The following BNC2 variants were observed in gnomAD, a reference collection of about 807,000 sequenced individuals.
BNC2 encodes zinc finger protein basonuclin-2.
Under a neutral mutation model 76.3 loss-of-function variants are expected in BNC2, and 20 were observed. The ratio of observed to expected loss-of-function variants is 0.26; its 90% CI spans 0.18 to 0.38. The LOEUF (loss-of-function observed/expected upper bound fraction) is 0.38. Among genes scored for constraint, BNC2 ranks in the 10% least tolerant of loss-of-function variants. The pLI is 1.00. For synonymous variants in BNC2, 582 were observed against 514.8 expected, an observed-to-expected ratio of 1.13 and a Z score of -1.77; for missense variants, 1,382 against 1,399.8, an observed-to-expected ratio of 0.99 and a Z score of 0.20.
At chr9:16,739,232 T>C (rs1014368242) in intron 1 of BNC2, among the ~76,000 whole-genome samples, 1 of 152,168 alleles carries the variant, frequency 6.6e-6, no homozygotes, top group Non-Finnish European at 1.5e-5. Flanking sequence ...ATTTAGCCTG[T>C]TATCTACCAA....
At chr9:16,511,242 T>C (rs1822747343) in intron 5 of BNC2, among the ~76,000 whole-genome samples, 1 of 150,396 alleles carries the variant, frequency 6.6e-6, no homozygotes. Context: ...CCTGAGTAGG[T>C]GAGACTACAG....
chr9:16,573,717 G>C (rs1284369009), intron 4 of BNC2, among the ~76,000 whole-genome samples: 1 of 152,046 alleles, frequency 6.6e-6, no homozygotes, highest in African/African-American at 2.4e-5. Context: ...CTCACTACTG[G>C]GCCTTTTAAC....
At chr9:16,804,490 T>A (rs1817856847) in intron 1 of BNC2, among the ~76,000 whole-genome samples, 1 of 152,240 alleles carries the variant, frequency 6.6e-6, no homozygotes, top group Non-Finnish European at 1.5e-5. Context: ...CAAGCACATA[T>A]GCTGGACATG....
At position 16,565,481 on chromosome 9, in the gene BNC2, CT is replaced by C. The variant is rs540553697; in HGVS notation, c.434-12717del. Among the ~76,000 whole-genome samples, 18 of 152,210 alleles carry C rather than the reference CT, an allele frequency of 1.2e-4. No individual in the cohort carries two copies. In the South Asian group the frequency reaches 3.7e-3, roughly 32 times the overall value. On this transcript the variant is annotated intron_variant, in intron 4 of 6. Transcript: ENST00000380672. ...ACAAAACAGCTATGATTTGGGCCCA[CT>C]TGAAGTTAATACACTAGTGAAGAAA...
At chr9:16,547,752 G>A (rs1452368730) in intron 5 of BNC2, among the ~76,000 whole-genome samples, 1 of 152,160 alleles carries the variant, frequency 6.6e-6, no homozygotes, top group Non-Finnish European at 1.5e-5. Context: ...TCATGTGGGA[G>A]AAGAACTGAG....
chr9:16,459,729 T>C (rs1035501025), intron 5 of BNC2, among the ~76,000 whole-genome samples: 3 of 152,202 alleles, frequency 2.0e-5, no homozygotes, highest in Non-Finnish European at 4.4e-5. Context: ...AGAACAAAGA[T>C]GTCCCAATTA....
intron 3 of BNC2, among the ~76,000 whole-genome samples, chr9:16,659,465 G>A (rs1337774609): frequency 6.6e-6 from 1 of 152,002 alleles, no homozygotes; most frequent in Non-Finnish European, 1.5e-5. Context: ...AAAATTAGCT[G>A]TGTGTGGTGG....
chr9:16,759,207 C>T (rs186213795), intron 1 of BNC2, among the ~76,000 whole-genome samples: 241 of 152,256 alleles, frequency 1.6e-3, no homozygotes, highest in African/African-American at 5.4e-3. Context: ...TACAAAAAAT[C>T]GAGGCAATTG....
Position 16,621,806 on chromosome 9 carries a change from AAAAAG to A in BNC2, c.331-38726_331-38722del, listed in dbSNP as rs563875390. Among the ~76,000 whole-genome samples the A allele has an allele frequency of 1.8e-3, 270 of 152,322 alleles. 1 individual carries two copies. The highest frequency in any genetic ancestry group is 5.8e-3 in the African/African-American group (242 of 41,574). On this transcript the variant is annotated intron_variant, in intron 3 of 6. Coordinates refer to ENST00000380672, the MANE Select transcript of BNC2 (RefSeq NM_017637.6). Reference sequence around the variant, plus strand: ...ACTGAATTTTGAAGGCTCAGAATGAAAAAAGAAAAGAAAATGTCTCGATAAACACT... The same window carrying A: ...ACTGAATTTTGAAGGCTCAGAATGAAAAAAGAAAATGTCTCGATAAACACT...
At chr9:16,863,425 T>C (rs1014335982) in intron 1 of BNC2, among the ~76,000 whole-genome samples, 5 of 152,174 alleles carry the variant, frequency 3.3e-5, no homozygotes, top group African/African-American at 9.7e-5. Context: ...TGGCTCACTG[T>C]GGGATCACAC....
At chr9:16,672,155 A>G (rs1822496312) in intron 3 of BNC2, among the ~76,000 whole-genome samples, 1 of 152,220 alleles carries the variant, frequency 6.6e-6, no homozygotes, top group South Asian at 2.1e-4. Context: ...AGATGAGACA[A>G]AAGATCTTTA....
At chr9:16,550,678 C>CA (rs1369847091) in intron 5 of BNC2, among the ~76,000 whole-genome samples, 1 of 152,276 alleles carries the variant, frequency 6.6e-6, no homozygotes, top group Non-Finnish European at 1.5e-5. Flanking sequence ...CGTAGGTATA[C>CA]AGGTGTAAGT....
intron 5 of BNC2, among the ~76,000 whole-genome samples, chr9:16,478,268 T>G (rs1265683052): frequency 6.6e-6 from 1 of 152,170 alleles, no homozygotes; most frequent in Admixed American, 6.5e-5. Flanking sequence ...CCAAACACTG[T>G]CAATGGCTTC....
At chr9:16,678,357 C>A (rs1822721209) in intron 3 of BNC2, among the ~76,000 whole-genome samples, 1 of 137,994 alleles carries the variant, frequency 7.2e-6, no homozygotes, top group African/African-American at 2.8e-5. Flanking sequence ...CGGCTCACTG[C>A]AGCCTCTGCC....
At chr9:16,690,932 T>A (rs1823141190) in intron 3 of BNC2, among the ~76,000 whole-genome samples, 1 of 151,980 alleles carries the variant, frequency 6.6e-6, no homozygotes, top group Non-Finnish European at 1.5e-5. Flanking sequence ...ACTCTTGCTC[T>A]TCCCTCAGGA....
intron 3 of BNC2, among the ~76,000 whole-genome samples, chr9:16,714,711 C>G (rs528311440): frequency 6.6e-6 from 1 of 152,296 alleles, no homozygotes; most frequent in African/African-American, 2.4e-5. Flanking sequence ...CTAGATATAC[C>G]TAGGCCCCAT....
chr9:16,495,693 C>G (rs954542050), intron 5 of BNC2, among the ~76,000 whole-genome samples: 3 of 152,184 alleles, frequency 2.0e-5, no homozygotes, highest in African/African-American at 7.2e-5. Context: ...AAAGGCTCAA[C>G]ATGAGCTTGC....
chr9:16,658,544 T>C (rs1008419349), intron 3 of BNC2, among the ~76,000 whole-genome samples: 1 of 152,152 alleles, frequency 6.6e-6, no homozygotes, highest in African/African-American at 2.4e-5. Context: ...ATATTTTTTT[T>C]CCCATCAAAT....
intron 5 of BNC2, among the ~76,000 whole-genome samples, chr9:16,531,802 T>C (rs1817983036): frequency 6.6e-6 from 1 of 152,132 alleles, no homozygotes; most frequent in South Asian, 2.1e-4. Flanking sequence ...ATCTCCTGTA[T>C]TCCCCCAAAG....
Sources: allele counts gnomAD v4.1 joint callset (sites outside exome capture counted in the v4.1 genomes callset), GRCh38; gene constraint gnomAD v4.1.1; transcripts MANE v1.5; gene names NCBI Gene and HGNC (gene_info 2026-07-23, HGNC 2026-07-21).